The following SUGCT variants were observed in gnomAD, a reference collection of about 807,000 sequenced individuals.
The protein encoded by SUGCT is succinyl-CoA:glutarate CoA-transferase.
Under a neutral mutation model 55.0 loss-of-function variants are expected in SUGCT, and 41 were observed. The observed-to-expected ratio is 0.74, with a 90% CI of 0.58 to 0.97. The LOEUF (loss-of-function observed/expected upper bound fraction) is 0.97, where lower values mean the gene tolerates loss of function less well. Ranked by LOEUF, SUGCT falls within the 50% of genes least tolerant of loss-of-function variation. SUGCT has a pLI of 0.00. For synonymous variants in SUGCT, 187 were observed against 200.4 expected, an observed-to-expected ratio of 0.93 and a Z score of 0.56; for missense variants, 568 against 547.8, an observed-to-expected ratio of 1.04 and a Z score of -0.37.
chr7:40,981,457 A>G, the SUGCT span, among the ~76,000 whole-genome samples: 6 of 152,192 alleles, frequency 3.9e-5, no homozygotes, highest in South Asian at 2.1e-4. Context: ...AACTGAATGC[A>G]TGATCTCTTA....
intron 13 of SUGCT, among the ~76,000 whole-genome samples, chr7:40,831,536 A>G (rs1792663835): frequency 6.6e-6 from 1 of 152,210 alleles, no homozygotes; most frequent in African/African-American, 2.4e-5. Flanking sequence ...TTCCCCATAG[A>G]AACAATATTA....
chr7:41,028,532 T>C, the SUGCT span, among the ~76,000 whole-genome samples: 3 of 152,206 alleles, frequency 2.0e-5, no homozygotes, highest in East Asian at 5.8e-4. Context: ...CAGAGCCCAC[T>C]ACACACCTAG....
At chr7:40,188,434 C>CAAAA (rs35948652) in intron 3 of SUGCT, 61 bp from the exon 4 acceptor site, 863 of 599,276 alleles carry the variant, frequency 1.4e-3, no homozygotes, top group Middle Eastern at 3.3e-3. Flanking sequence ...ACTCCATCTC[C>CAAAA]AAAAAAAAAA....
At position 40,184,469 on chromosome 7, in the gene SUGCT, C is replaced by G. The variant is rs73312989; in HGVS notation, c.226+2441C>G. 5.3e-3 allele frequency among the ~76,000 whole-genome samples: 805 copies of G among 151,648 alleles called. 10 individuals are homozygous for G. Among genetic ancestry groups the G allele is most frequent in the African/African-American group, 0.018 (757 of 41,334 alleles). ...GTTTTGTTTGAGATGGAGTCTCACT[C>G]TGTGAGCCACTGCACCCGGCCTTAT... On this transcript the variant is annotated intron_variant, in intron 3 of 13. Coordinates refer to ENST00000335693, the MANE Select transcript of SUGCT (RefSeq NM_001193313.2).
the SUGCT span, among the ~76,000 whole-genome samples, chr7:40,977,550 G>A: frequency 1.3e-5 from 2 of 152,130 alleles, no homozygotes; most frequent in East Asian, 3.9e-4. Flanking sequence ...ATTTCTCAAG[G>A]TATTCTTTGG....
intron 12 of SUGCT, among the ~76,000 whole-genome samples, chr7:40,642,748 A>G (rs879610834): frequency 1.3e-5 from 2 of 152,116 alleles, no homozygotes; most frequent in African/African-American, 2.4e-5. Context: ...ATTTCATTGG[A>G]TTTCATGTGA....
At chr7:40,237,570 T>G in intron 6 of SUGCT, 65 bp from the exon 7 acceptor site, 1 of 1,180,374 alleles carries the variant, frequency 8.5e-7, no homozygotes, top group Non-Finnish European at 1.3e-6. Context: ...TCTAACACAC[T>G]ATATTGTACA....
chr7:40,435,415 C>A (rs952993004), intron 9 of SUGCT, among the ~76,000 whole-genome samples: 2 of 152,130 alleles, frequency 1.3e-5, no homozygotes, highest in African/African-American at 2.4e-5. Flanking sequence ...CTGAAACTCT[C>A]CTCTATTTTA....
chr7:40,447,479 T>G (rs2151424535), intron 9 of SUGCT, among the ~76,000 whole-genome samples: 1 of 151,950 alleles, frequency 6.6e-6, no homozygotes, highest in Admixed American at 6.6e-5. Flanking sequence ...AAAGTATAGT[T>G]CAGTGTGATA....
At chr7:40,324,366 G>T (rs970649896) in intron 9 of SUGCT, among the ~76,000 whole-genome samples, 1 of 151,240 alleles carries the variant, frequency 6.6e-6, no homozygotes, top group African/African-American at 2.4e-5. Flanking sequence ...AGCAATTCTT[G>T]TGCTTCAGCC....
chr7:40,951,195 T>C, the SUGCT span, among the ~76,000 whole-genome samples: 1 of 152,180 alleles, frequency 6.6e-6, no homozygotes, highest in Admixed American at 6.5e-5. Flanking sequence ...TGGGAGGGTG[T>C]ATGTGTCGAG....
At chr7:41,022,962 G>A in the SUGCT span, among the ~76,000 whole-genome samples, 2 of 152,096 alleles carry the variant, frequency 1.3e-5, no homozygotes, top group Non-Finnish European at 2.9e-5. Flanking sequence ...AGTTTTTCAT[G>A]CTGATCACTA....
intron 12 of SUGCT, among the ~76,000 whole-genome samples, chr7:40,607,338 A>G (rs1255119139): frequency 2.0e-5 from 3 of 152,124 alleles, no homozygotes; most frequent in African/African-American, 7.2e-5. Context: ...TCCTGGGCTT[A>G]AGTGCTTCTC....
At chr7:40,315,976 G>C (rs887541034) in intron 8 of SUGCT, among the ~76,000 whole-genome samples, 1 of 152,132 alleles carries the variant, frequency 6.6e-6, no homozygotes, top group African/African-American at 2.4e-5. Context: ...GTCATATTGA[G>C]TTGAACTATT....
chr7:40,445,623 G>A (rs1398630130), intron 9 of SUGCT, among the ~76,000 whole-genome samples: 1 of 152,138 alleles, frequency 6.6e-6, no homozygotes, highest in African/African-American at 2.4e-5. Flanking sequence ...TTGAAAAAGA[G>A]GGAATCCTCC....
At chr7:40,815,020 C>T (rs1584479758) in intron 13 of SUGCT, among the ~76,000 whole-genome samples, 1 of 152,308 alleles carries the variant, frequency 6.6e-6, no homozygotes, top group East Asian at 1.9e-4. Context: ...GTTTGACCTA[C>T]AAGCTTGTAG....
chr7:40,257,761 C>T (rs117419231), intron 7 of SUGCT, among the ~76,000 whole-genome samples: 2,683 of 152,136 alleles, frequency 0.018, 33 homozygotes, highest in Admixed American at 0.036. Context: ...TGTAATCCTG[C>T]TACTCGGGAG....
intron 12 of SUGCT, among the ~76,000 whole-genome samples, chr7:40,607,626 T>G (rs1034993306): frequency 2.0e-5 from 3 of 152,214 alleles, no homozygotes; most frequent in African/African-American, 7.2e-5. Flanking sequence ...TTATCATAGT[T>G]ACCCTGTTAA....
chr7:40,742,282 T>C (rs1468838873), intron 12 of SUGCT, among the ~76,000 whole-genome samples: 1 of 152,162 alleles, frequency 6.6e-6, no homozygotes, highest in Non-Finnish European at 1.5e-5. Context: ...GTGAATTGTT[T>C]CAAAGAAGTA....
Sources: gnomAD v4.1 joint callset for allele counts (sites outside exome capture counted in the v4.1 genomes callset) on GRCh38, gnomAD v4.1.1 for gene constraint, MANE v1.5 for transcripts, NCBI Gene and HGNC (gene_info 2026-07-23, HGNC 2026-07-21) for gene names.